Variants in RBPJ observed in about 807,000 individuals in gnomAD.
RBPJ encodes recombining binding protein suppressor of hairless.
RBPJ carries 9 observed loss-of-function variants against 67.8 expected under a neutral mutation model. That is an observed-to-expected ratio of 0.13 (90% CI 0.08 to 0.23). The LOEUF is 0.23. RBPJ is among the 10% of genes least tolerant of loss of function. The pLI is 1.00. For missense variants in RBPJ, 305 were observed against 595.6 expected (o/e 0.51, Z 5.08); for synonymous variants, 198 against 203.3 (o/e 0.97, Z 0.22).
At position 26,170,155 on chromosome 4, in the gene RBPJ, C is replaced by T. The variant is rs565101306; in HGVS notation, c.-167+6541C>T. 2.6e-5 allele frequency among the ~76,000 whole-genome samples: 4 copies of T among 152,246 alleles called. No homozygotes were observed. The South Asian group carries it at 8.3e-4, about 32-fold the overall frequency. ...CTCAGATGGAAATGCAGAAATCACC[C>T]GTCTTCTGCGTCGCTCACACTGGGA... On this transcript the variant is annotated intron_variant, in intron 1 of 4. Transcript: ENST00000512351.
At chr4:26,121,415 A>G in the RBPJ span, among the ~76,000 whole-genome samples, 1 of 152,178 alleles carries the variant, frequency 6.6e-6, no homozygotes, top group East Asian at 1.9e-4. Flanking sequence ...CTTCAGAAAA[A>G]ATCATGAGAT....
chr4:26,283,649 C>CCT (rs1553856857), intron 1 of RBPJ, among the ~76,000 whole-genome samples: 1 of 142,270 alleles, frequency 7.0e-6, no homozygotes, highest in Non-Finnish European at 1.5e-5. Flanking sequence ...TTTAACTAAA[C>CCT]TTTTTTTTTT....
rs2109846588 is a variant in RBPJ at position 26,431,553 on chromosome 4, G to A, written c.*546G>A. 1 of 149,770 alleles carries A rather than the reference G, an allele frequency of 6.7e-6. No individual in the cohort carries two copies. Among genetic ancestry groups the A allele is most frequent in the East Asian group, 2.0e-4 (1 of 5,108 alleles). The allele number at this position is 149,770 out of a possible 1,614,324, so 9.3% of individuals were successfully genotyped here. A position where few individuals can be genotyped will look rare whatever the true frequency, so the allele number is the denominator to read the frequency against. On this transcript the variant is annotated 3_prime_UTR_variant, in exon 11 of 11. Coordinates refer to ENST00000355476, the MANE Select transcript of RBPJ (RefSeq NM_015874.6). ...TCAGGTTCCAAGCCTGACCATCCTTGTTTAATCTATCATACTCTTCCAGGT... is the reference window on the plus strand; with the variant it reads ...TCAGGTTCCAAGCCTGACCATCCTTATTTAATCTATCATACTCTTCCAGGT...
In RBPJ at chr4:26,430,062, G is replaced by A. The variant is rs759154107; in HGVS notation, c.1044+9G>A. The A allele has an allele frequency of 1.2e-6, 2 of 1,613,714 alleles. No individual in the cohort carries two copies. Among genetic ancestry groups the A allele is most frequent in the East Asian group, 2.2e-5 (1 of 44,874 alleles). On this transcript the variant is annotated intron_variant, in intron 9 of 10. Coordinates refer to ENST00000355476, the MANE Select transcript of RBPJ (RefSeq NM_015874.6). The surrounding 1 kb of genome is among the most constrained non-coding windows in gnomAD (Gnocchi z 4.1). ...TGGTAGAGAGCCTTCAGGTGAGAACGCCTAGTCCAAGTTGGCCTTCAGCTC... is the reference window on the plus strand; with the variant it reads ...TGGTAGAGAGCCTTCAGGTGAGAACACCTAGTCCAAGTTGGCCTTCAGCTC...
chr4:26,433,289 C>T lies in RBPJ; in HGVS notation c.*2282C>T, dbSNP rs1418575963. 6.6e-6 allele frequency: 1 copy of T among 152,192 alleles called. No homozygotes were observed. The highest frequency in any genetic ancestry group is 2.4e-5 in the African/African-American group (1 of 41,430). 9.4% of individuals were successfully genotyped at this position (152,192 alleles called of 1,614,324 possible). ...GTTATTCCTCTCTATGGAGTCATGGCAGGAATCATTACACAGTGCTTTTGT... is the reference window on the plus strand; with the variant it reads ...GTTATTCCTCTCTATGGAGTCATGGTAGGAATCATTACACAGTGCTTTTGT... On this transcript the variant is annotated 3_prime_UTR_variant, in exon 11 of 11. Transcript: ENST00000355476.
intron 1 of RBPJ, among the ~76,000 whole-genome samples, chr4:26,251,244 T>C (rs886182589): frequency 1.3e-5 from 2 of 152,152 alleles, no homozygotes; most frequent in African/African-American, 4.8e-5. Context: ...TTGCCAAAAT[T>C]TCACACCAGA....
At chr4:26,233,991 A>T (rs73812109) in intron 1 of RBPJ, among the ~76,000 whole-genome samples, 11,666 of 152,254 alleles carry the variant, frequency 0.077, 1,340 homozygotes, top group African/African-American at 0.25. Flanking sequence ...AATTGCAAAG[A>T]AGTAATGGTG....
intron 1 of RBPJ, among the ~76,000 whole-genome samples, chr4:26,210,330 A>G (rs1718340774): frequency 1.3e-5 from 2 of 151,982 alleles, no homozygotes; most frequent in African/African-American, 4.8e-5. Context: ...GAGAATTTCT[A>G]TTTGGTGTGT....
At chr4:26,230,595 G>T (rs185944672) in intron 1 of RBPJ, among the ~76,000 whole-genome samples, 1 of 152,300 alleles carries the variant, frequency 6.6e-6, no homozygotes, top group African/African-American at 2.4e-5. Flanking sequence ...ACTCCAATGA[G>T]TCCCATTCTA....
At chr4:26,364,373 G>A (rs1728382868) in intron 1 of RBPJ, among the ~76,000 whole-genome samples, 1 of 152,200 alleles carries the variant, frequency 6.6e-6, no homozygotes, top group South Asian at 2.1e-4. Context: ...TTTTATGTCT[G>A]ATGGGACAGA....
Position 26,431,212 on chromosome 4 carries a change from GAAAA to G in RBPJ, c.*211_*214del, listed in dbSNP as rs1181695025. 3.0e-5 allele frequency: 8 copies of G among 266,134 alleles called. No individual in the cohort carries two copies. In the East Asian group the frequency reaches 3.2e-4, roughly 11 times the overall value. The allele number at this position is 266,134 out of a possible 1,614,324, so 16.5% of individuals were successfully genotyped here. On this transcript the variant is annotated 3_prime_UTR_variant, in exon 11 of 11. Transcript: ENST00000355476. ...AAAAAAAAAAAAAAAAAAAAAAAAA[GAAAA>G]AAAAATCAAAATGTATAAATATTGG...
chr4:26,351,842 G>T (rs1726836287), intron 1 of RBPJ, among the ~76,000 whole-genome samples: 1 of 152,130 alleles, frequency 6.6e-6, no homozygotes, highest in African/African-American at 2.4e-5. Context: ...ATGCCAAATA[G>T]GCCCCACTGC....
intron 1 of RBPJ, chr4:26,362,617 G>T (rs144563091): frequency 1.2e-6 from 2 of 1,613,996 alleles, no homozygotes. Context: ...GTACCATGGC[G>T]TGGATTAAAA....
intron 5 of RBPJ, among the ~76,000 whole-genome samples, chr4:26,422,565 C>T (rs1483400864): frequency 2.0e-5 from 3 of 151,978 alleles, no homozygotes; most frequent in Non-Finnish European, 4.4e-5. Flanking sequence ...GTTTTGTTTG[C>T]TTTCTTTTCA....
chr4:26,320,596 A>C, upstream of RBPJ: 2 of 789,046 alleles, frequency 2.5e-6, no homozygotes, highest in Non-Finnish European at 3.9e-6. Flanking sequence ...TAGGCCTGTG[A>C]AACGCAGCCC....
chr4:26,161,843 A>T (rs1381462519), upstream of RBPJ, among the ~76,000 whole-genome samples: 1 of 152,194 alleles, frequency 6.6e-6, no homozygotes, highest in East Asian at 1.9e-4. Context: ...GCAACATCCC[A>T]TTATTGACCG....
upstream of RBPJ, among the ~76,000 whole-genome samples, chr4:26,316,430 T>A (rs1722619819): frequency 7.8e-6 from 1 of 127,566 alleles, no homozygotes; most frequent in Admixed American, 7.8e-5. Flanking sequence ...TATACATTCA[T>A]ATATACATTC....
chr4:26,341,212 G>T lies in RBPJ; in HGVS notation c.20+20164G>T, dbSNP rs73809416. Among the ~76,000 whole-genome samples the T allele has an allele frequency of 5.0e-3, 757 of 152,322 alleles. 10 individuals carry two copies. Among genetic ancestry groups the T allele is most frequent in the African/African-American group, 0.017 (718 of 41,558 alleles). On this transcript the variant is annotated intron_variant, in intron 1 of 10. Coordinates refer to ENST00000355476, the MANE Select transcript of RBPJ (RefSeq NM_015874.6). ...CACTACAAAGGAGACTGAGAAAGAG[G>T]TGCCAGTGGGGTAGGAAGGAAAACA...
At chr4:26,287,455 G>T (rs1477627786) in intron 1 of RBPJ, among the ~76,000 whole-genome samples, 2 of 151,078 alleles carry the variant, frequency 1.3e-5, no homozygotes, top group African/African-American at 4.9e-5. Context: ...CAGAAGGCTC[G>T]AGTGGGAAGA....
Sources: allele counts gnomAD v4.1 joint callset (sites outside exome capture counted in the v4.1 genomes callset), GRCh38; gene constraint gnomAD v4.1.1; non-coding constraint Gnocchi (gnomAD v3.1); transcripts MANE v1.5; gene names NCBI Gene and HGNC (gene_info 2026-07-23, HGNC 2026-07-21).